Variants in VWC2 observed in about 807,000 individuals in gnomAD.
VWC2 encodes the protein von Willebrand factor C domain containing 2, also known as brorin.
A neutral mutation model predicts 29.8 loss-of-function variants in VWC2; 14 were observed. The ratio of observed to expected loss-of-function variants is 0.47; its 90% CI spans 0.31 to 0.74. The LOEUF is 0.74. Among genes scored for constraint, VWC2 ranks in the 30% least tolerant of loss-of-function variants. VWC2 has a pLI of 0.05. For missense variants in VWC2, 457 were observed against 459.8 expected, an observed-to-expected ratio of 0.99 and a Z score of 0.05; for synonymous variants, 213 against 199.0, an observed-to-expected ratio of 1.07 and a Z score of -0.59.
At chr7:49,777,623 T>C (rs188186104) in intron 2 of VWC2, among the ~76,000 whole-genome samples, 1 of 152,296 alleles carries the variant, frequency 6.6e-6, no homozygotes, top group East Asian at 1.9e-4. Context: ...TGCAGCCCTT[T>C]GGAGAAAGAC....
At chr7:49,803,765 G>A (rs1788803898) in intron 3 of VWC2, among the ~76,000 whole-genome samples, 1 of 152,168 alleles carries the variant, frequency 6.6e-6, no homozygotes, top group South Asian at 2.1e-4. Flanking sequence ...GTGACACAGG[G>A]GTGGTCATGG....
chr7:49,839,331 T>C (rs1789740805), intron 3 of VWC2, among the ~76,000 whole-genome samples: 1 of 152,238 alleles, frequency 6.6e-6, no homozygotes, highest in African/African-American at 2.4e-5. Context: ...CCATGGTACT[T>C]CTGCAGCAAT....
In VWC2 at chr7:49,912,101, C is replaced by A. The variant is rs777282786; in HGVS notation, c.894C>A (p.Thr298=). 1 of 1,614,122 alleles carries A rather than the reference C, an allele frequency of 6.2e-7. No individual in the cohort carries two copies. The highest frequency in any genetic ancestry group is 1.1e-5 in the South Asian group (1 of 91,082). The change falls in exon 4 of 4, where the codon ACC becomes ACA. Residue 298 remains threonine, a synonymous_variant. Coordinates refer to ENST00000340652, the MANE Select transcript of VWC2 (RefSeq NM_198570.5). The stretch of plus-strand genomic sequence containing the variant: ...GAGAAGTGAAGACTGACGAGTGCAC[C>A]ATATGCCACTGTACTTATGAGGAAG... ...AGREVKTDEC[T]ICHCTYEEGT...
chr7:49,878,628 T>C lies in VWC2; in HGVS notation c.827-33406T>C, dbSNP rs143147463. ...TATTATATAATGACATTCCAAGTTG[T>C]ATATTATTATTAGTTTTTATTTTTC... On this transcript the variant is annotated intron_variant, in intron 3 of 3. Coordinates refer to ENST00000340652, the MANE Select transcript of VWC2 (RefSeq NM_198570.5). 6.0e-4 allele frequency among the ~76,000 whole-genome samples: 91 copies of C among 152,300 alleles called. 1 individual carries two copies. Among genetic ancestry groups the C allele is most frequent in the African/African-American group, 2.2e-3 (90 of 41,568 alleles).
chr7:49,780,167 C>T (rs6953801), intron 2 of VWC2, among the ~76,000 whole-genome samples: 3,560 of 152,248 alleles, frequency 0.023, 145 homozygotes, highest in African/African-American at 0.079. Context: ...GACGAAGGCA[C>T]GGAGTGAGTG....
At chr7:49,869,330 G>T (rs545118663) in intron 3 of VWC2, among the ~76,000 whole-genome samples, 4 of 152,272 alleles carry the variant, frequency 2.6e-5, no homozygotes, top group African/African-American at 9.6e-5. Context: ...GAATATTAGA[G>T]GAAGTAATAC....
chr7:49,774,356 G>A lies in VWC2; in HGVS notation c.-104+243G>A, dbSNP rs1347809106. 2.6e-5 allele frequency among the ~76,000 whole-genome samples: 4 copies of A among 152,328 alleles called. No homozygotes were observed. The South Asian group carries it at 8.3e-4, about 32-fold the overall frequency. Reference sequence around the variant, plus strand: ...GAGGGCTGAGGGGGAGGGGACAGACGCACCGGAGTGCGCAGAGTGGGGGCG... The same window carrying A: ...GAGGGCTGAGGGGGAGGGGACAGACACACCGGAGTGCGCAGAGTGGGGGCG... On this transcript the variant is annotated intron_variant, in intron 1 of 3. Transcript: ENST00000340652.
chr7:49,834,408 CAAG>C (rs1377252562), intron 3 of VWC2, among the ~76,000 whole-genome samples: 2 of 152,172 alleles, frequency 1.3e-5, no homozygotes, highest in Admixed American at 6.5e-5. Context: ...ATGCTGGAAA[CAAG>C]ATACAAAACT....
intron 2 of VWC2, among the ~76,000 whole-genome samples, chr7:49,782,859 A>G (rs1266517070): frequency 6.6e-6 from 1 of 151,648 alleles, no homozygotes; most frequent in South Asian, 2.1e-4. Flanking sequence ...ATCTTAAAAA[A>G]CAGAAAAGAA....
intron 3 of VWC2, among the ~76,000 whole-genome samples, chr7:49,815,672 A>T (rs1789125278): frequency 5.9e-5 from 9 of 152,236 alleles, no homozygotes. Flanking sequence ...AAAACCAATG[A>T]TCAGACTGCC....
At chr7:49,895,787 T>A (rs941779058) in intron 3 of VWC2, among the ~76,000 whole-genome samples, 6 of 152,254 alleles carry the variant, frequency 3.9e-5, no homozygotes, top group African/African-American at 1.4e-4. Context: ...CATATAAATA[T>A]GAAAATTAAG....
intron 2 of VWC2, among the ~76,000 whole-genome samples, chr7:49,787,627 G>A (rs1166477417): frequency 1.3e-5 from 2 of 152,166 alleles, no homozygotes; most frequent in East Asian, 1.9e-4. Context: ...TGCCCCGAGC[G>A]CCTCTACCTC....
chr7:49,804,573 G>A (rs1788829259), intron 3 of VWC2, among the ~76,000 whole-genome samples: 1 of 152,166 alleles, frequency 6.6e-6, no homozygotes, highest in African/African-American at 2.4e-5. Flanking sequence ...CTAAGTCTTG[G>A]CATTAGATAG....
At chr7:49,896,987 C>T (rs1017581111) in intron 3 of VWC2, among the ~76,000 whole-genome samples, 1 of 150,134 alleles carries the variant, frequency 6.7e-6, no homozygotes, top group Non-Finnish European at 1.5e-5. Flanking sequence ...GCTCCGCTTC[C>T]CGGGTTCACG....
chr7:49,881,419 A>G (rs1177982694), intron 3 of VWC2, among the ~76,000 whole-genome samples: 3 of 152,186 alleles, frequency 2.0e-5, no homozygotes, highest in Non-Finnish European at 2.9e-5. Flanking sequence ...ATGATTTAAT[A>G]GAAAGTTTAA....
chr7:49,866,124 A>C (rs1293666688), intron 3 of VWC2, among the ~76,000 whole-genome samples: 2 of 152,092 alleles, frequency 1.3e-5, no homozygotes, highest in Non-Finnish European at 2.9e-5. Flanking sequence ...GCTCCTTCAT[A>C]TCGCCTCTAA....
intron 3 of VWC2, among the ~76,000 whole-genome samples, chr7:49,843,899 G>T (rs187360905): frequency 1.2e-3 from 187 of 152,380 alleles, no homozygotes; most frequent in African/African-American, 4.4e-3. Flanking sequence ...ATCCCTGATA[G>T]ATGGAGAGAT....
chr7:49,907,271 T>G (rs1793153736), intron 3 of VWC2, among the ~76,000 whole-genome samples: 1 of 152,072 alleles, frequency 6.6e-6, no homozygotes, highest in Non-Finnish European at 1.5e-5. Context: ...GGTAACAGAA[T>G]AGGAATGAAG....
At chr7:49,866,934 A>T (rs909914597) in intron 3 of VWC2, among the ~76,000 whole-genome samples, 20 of 152,352 alleles carry the variant, frequency 1.3e-4, no homozygotes, top group African/African-American at 4.8e-4. Context: ...TCTTCTGAGG[A>T]CACACAGACC....
Sources: gnomAD v4.1 joint callset for allele counts (sites outside exome capture counted in the v4.1 genomes callset) on GRCh38, gnomAD v4.1.1 for gene constraint, MANE v1.5 for transcripts, NCBI Gene and HGNC (gene_info 2026-07-23, HGNC 2026-07-21) for gene names.